DUSP13B: variants seen among roughly 807,000 people sequenced by gnomAD.
DUSP13B encodes the protein dual specificity protein phosphatase 13B.
the DUSP13B span, chr10:75,104,246 G>T: frequency 2.3e-6 from 1 of 433,058 alleles, no homozygotes; most frequent in South Asian, 2.0e-5. Flanking sequence ...GCTGCTGGGA[G>T]AGATGAGGAG....
the DUSP13B span, among the ~76,000 whole-genome samples, chr10:75,106,974 G>C: frequency 6.6e-6 from 1 of 152,222 alleles, no homozygotes; most frequent in Non-Finnish European, 1.5e-5. Flanking sequence ...ACAAAGCCAG[G>C]ACACCAGCCT....
the DUSP13B span, among the ~76,000 whole-genome samples, chr10:75,107,449 G>A: frequency 6.6e-6 from 1 of 152,210 alleles, no homozygotes; most frequent in Non-Finnish European, 1.5e-5. Context: ...CTGTTCTGCT[G>A]TTTGGGAGAA....
the DUSP13B span, chr10:75,097,967 T>A: frequency 1.6e-6 from 2 of 1,268,630 alleles, no homozygotes; most frequent in South Asian, 3.2e-5. Context: ...CATGGTGCAG[T>A]GCCTAGGTGC....
At chr10:75,099,607 G>T in the DUSP13B span, 1 of 1,171,538 alleles carries the variant, frequency 8.5e-7, no homozygotes, top group East Asian at 3.2e-5. Context: ...GAGGCCTTGT[G>T]GACTGCAGTG....
At chr10:75,103,663 C>A in the DUSP13B span, among the ~76,000 whole-genome samples, 2 of 152,260 alleles carry the variant, frequency 1.3e-5, no homozygotes, top group African/African-American at 2.4e-5. Context: ...CCCATGCCTG[C>A]AGCCATACCT....
At chr10:75,108,381 C>A in the DUSP13B span, 4 of 1,269,388 alleles carry the variant, frequency 3.2e-6, no homozygotes, top group East Asian at 5.3e-5. Flanking sequence ...GAGCCCCGCA[C>A]TTTCTGGTGG....
chr10:75,108,988 C>T, the DUSP13B span: 2 of 1,588,888 alleles, frequency 1.3e-6, no homozygotes, highest in Non-Finnish European at 1.7e-6. Context: ...CCCCCATGCC[C>T]CTTGGCCAGC....
the DUSP13B span, chr10:75,101,777 C>A: frequency 6.2e-6 from 5 of 808,566 alleles, no homozygotes; most frequent in Non-Finnish European, 7.6e-6. Context: ...CCCCACCCCT[C>A]CCCACACAGG....
chr10:75,096,407 T>C, the DUSP13B span, among the ~76,000 whole-genome samples: 1 of 151,850 alleles, frequency 6.6e-6, no homozygotes, highest in Non-Finnish European at 1.5e-5. Flanking sequence ...CAAAACCTTA[T>C]CTCTACAAAC....
chr10:75,102,727 C>G, the DUSP13B span, among the ~76,000 whole-genome samples: 2 of 151,910 alleles, frequency 1.3e-5, no homozygotes, highest in African/African-American at 4.8e-5. Flanking sequence ...CCGAGGTGGG[C>G]GGATCACCTG....
At chr10:75,107,734 G>T in the DUSP13B span, among the ~76,000 whole-genome samples, 1 of 152,188 alleles carries the variant, frequency 6.6e-6, no homozygotes. Context: ...GTGCCACCAT[G>T]CCCGGCTAAT....
At chr10:75,105,985 C>T in the DUSP13B span, 1 of 920,564 alleles carries the variant, frequency 1.1e-6, no homozygotes, top group Non-Finnish European at 1.7e-6. Context: ...TGATCCTGAG[C>T]AAGTCACTCA....
the DUSP13B span, chr10:75,109,164 G>C: frequency 6.4e-7 from 1 of 1,572,382 alleles, no homozygotes; most frequent in South Asian, 1.1e-5. Flanking sequence ...CCATGGGCCA[G>C]CCCGCCCACC....
At chr10:75,107,884 A>C in the DUSP13B span, 1 of 1,321,386 alleles carries the variant, frequency 7.6e-7, no homozygotes, top group Non-Finnish European at 1.0e-6. Context: ...GCCTAAGCAG[A>C]GGATTTTTAA....
the DUSP13B span, chr10:75,099,368 AAGC>A: frequency 8.1e-7 from 1 of 1,232,260 alleles, no homozygotes; most frequent in Middle Eastern, 3.1e-4. Context: ...AGTGAAGACC[AAGC>A]TGTCCTCCTC....
the DUSP13B span, among the ~76,000 whole-genome samples, chr10:75,105,281 A>G: frequency 6.6e-6 from 1 of 152,160 alleles, no homozygotes; most frequent in African/African-American, 2.4e-5. Flanking sequence ...GGGAGCCCCC[A>G]CAGGCTTTCA....
chr10:75,108,367 C>T, the DUSP13B span: 2 of 1,350,518 alleles, frequency 1.5e-6, no homozygotes. Flanking sequence ...CAGCCCTATA[C>T]CCAGAGCCCC....
At chr10:75,101,018 G>A in the DUSP13B span, among the ~76,000 whole-genome samples, 2 of 152,244 alleles carry the variant, frequency 1.3e-5, no homozygotes, top group Admixed American at 1.3e-4. Context: ...CCACTCCAGG[G>A]AGGCCAGACA....
chr10:75,095,807 G>C, the DUSP13B span: 1 of 1,613,324 alleles, frequency 6.2e-7, no homozygotes, highest in Non-Finnish European at 8.5e-7. Context: ...TGGAGGAGAG[G>C]GCACAAGGGG....
Sources: allele counts gnomAD v4.1 joint callset (sites outside exome capture counted in the v4.1 genomes callset), GRCh38; gene constraint gnomAD v4.1.1; transcripts MANE v1.5; gene names NCBI Gene and HGNC (gene_info 2026-07-23, HGNC 2026-07-21).